The following PLB1 variants were observed in gnomAD, a reference collection of about 807,000 sequenced individuals.
The protein encoded by PLB1 is phospholipase B1, membrane-associated.
In PLB1, 242 loss-of-function variants were observed where a neutral mutation model predicts 227.4. That is an observed-to-expected ratio of 1.06 (90% CI 0.96 to 1.18). PLB1 has a LOEUF of 1.18. PLB1 is among the 50% of genes most tolerant of loss of function. PLB1 has a pLI of 0.00. For missense variants in PLB1, 1,858 were observed against 1,816.3 expected (o/e 1.02, Z -0.42); for synonymous variants, 757 against 682.2 (o/e 1.11, Z -1.71).
At chr2:28,612,579 G>A (rs189348245) in intron 43 of PLB1, among the ~76,000 whole-genome samples, 89 of 151,674 alleles carry the variant, frequency 5.9e-4, no homozygotes, top group African/African-American at 7.5e-4. Context: ...GGTATGAGAC[G>A]AGATCACTTT....
intron 44 of PLB1, among the ~76,000 whole-genome samples, chr2:28,614,821 G>T (rs913641028): frequency 2.6e-5 from 4 of 152,206 alleles, no homozygotes; most frequent in Admixed American, 6.5e-5. Flanking sequence ...CAAGGGAAGT[G>T]AGAGCCCAGT....
chr2:28,579,782 G>T (rs11677766), intron 23 of PLB1, 75 bp downstream of exon 23: 15,651 of 1,283,604 alleles, frequency 0.012, 160 homozygotes, highest in South Asian at 0.022. Flanking sequence ...TGCTCTGCCC[G>T]GGAGGAGTAC....
At chr2:28,589,982 C>T (rs759100635) in intron 28 of PLB1, 23 bp from the exon 29 acceptor site, 9 of 1,605,628 alleles carry the variant, frequency 5.6e-6, no homozygotes, top group Non-Finnish European at 7.7e-6. Context: ...CCTCACTCCC[C>T]ATCTCCCTGC....
chr2:28,519,565 CA>C (rs761132113), intron 3 of PLB1, 139 bp from the exon 4 acceptor site: 6 of 634,578 alleles, frequency 9.5e-6, no homozygotes, highest in Non-Finnish European at 1.7e-5. Context: ...TTTGGCATTC[CA>C]CTTCCATGGC....
rs558582344 is a variant in PLB1, at chr2:28,641,287, G to A, written c.4173+286G>A. The stretch of plus-strand genomic sequence containing the variant: ...GTGTCTCGGGTCACCCATTCCTTCC[G>A]AAAGCTCTGATGCATCCTCAGTCTT... On this transcript the variant is annotated intron_variant, in intron 57 of 57. Transcript: ENST00000327757. Among the ~76,000 whole-genome samples, 65 of 152,284 alleles carry A rather than the reference G, an allele frequency of 4.3e-4. No homozygotes were observed. The South Asian group carries it at 0.013, about 32-fold the overall frequency.
chr2:28,538,656 A>G (rs940765504), intron 10 of PLB1, among the ~76,000 whole-genome samples: 2 of 152,106 alleles, frequency 1.3e-5, no homozygotes, highest in Non-Finnish European at 2.9e-5. Flanking sequence ...TCTACCTGAG[A>G]CTGGGGCGAG....
chr2:28,508,959 CAA>C (rs1667930329), intron 1 of PLB1, among the ~76,000 whole-genome samples: 4 of 152,306 alleles, frequency 2.6e-5, no homozygotes, highest in Admixed American at 2.6e-4. Context: ...TCCAGGGAGA[CAA>C]GTCACCTCTT....
intron 52 of PLB1, 45 bp from the exon 53 acceptor site, chr2:28,629,049 A>C (rs1311024043): frequency 6.5e-7 from 1 of 1,545,672 alleles, no homozygotes; most frequent in Non-Finnish European, 8.9e-7. Flanking sequence ...GGTTCCTCCC[A>C]GCAGTAGCCA....
intron 41 of PLB1, 73 bp from the exon 42 acceptor site, chr2:28,605,780 C>T: frequency 7.8e-7 from 1 of 1,284,354 alleles, no homozygotes; most frequent in Non-Finnish European, 1.1e-6. Context: ...TGGTCAGTCC[C>T]AGGGCCAAGT....
chr2:28,523,198 T>G lies in PLB1; in HGVS notation c.244-2069T>G, dbSNP rs571080791. Among the ~76,000 whole-genome samples, 5 of 151,102 alleles carry G rather than the reference T, an allele frequency of 3.3e-5. No homozygotes were observed. In the South Asian group the frequency reaches 1.0e-3, roughly 32 times the overall value. On this transcript the variant is annotated intron_variant, in intron 4 of 57. Transcript: ENST00000327757. ...TAGAAGACCCTGTTCACATCTTTTA[T>G]TCCTCTACCTCAACAAACATACACA... is the stretch of plus-strand genomic sequence containing the variant.
chr2:28,575,733 A>G (rs1288653966), intron 21 of PLB1, among the ~76,000 whole-genome samples: 2 of 152,030 alleles, frequency 1.3e-5, no homozygotes, highest in Non-Finnish European at 2.9e-5. Context: ...CTGTATTTTT[A>G]GTAGAGACAG....
intron 57 of PLB1, 53 bp downstream of exon 57, chr2:28,641,054 T>C: frequency 6.5e-7 from 1 of 1,548,276 alleles, no homozygotes; most frequent in Non-Finnish European, 8.8e-7. Flanking sequence ...GGGTGGGGGT[T>C]GTCCTGTCCC....
intron 1 of PLB1, among the ~76,000 whole-genome samples, chr2:28,499,444 G>C (rs1666831167): frequency 6.6e-6 from 1 of 151,700 alleles, no homozygotes; most frequent in South Asian, 2.1e-4. Flanking sequence ...AATAATGACG[G>C]TGTTGTTACT....
rs763281271 is a variant in PLB1, at chr2:28,562,998, C to T, written c.1148-43C>T. 25 of 1,565,142 alleles carry T rather than the reference C, an allele frequency of 1.6e-5. No homozygotes were observed. The South Asian group carries it at 2.1e-4, about 13-fold the overall frequency. ...TCAGAGTAGATGGGTCCAGTGCTTTCCTGGAAGCCCCATTTTCCACTCACT... is the reference window on the plus strand; with the variant it reads ...TCAGAGTAGATGGGTCCAGTGCTTTTCTGGAAGCCCCATTTTCCACTCACT... On this transcript the variant is annotated intron_variant, in intron 17 of 57. Transcript: ENST00000327757.
intron 22 of PLB1, among the ~76,000 whole-genome samples, chr2:28,578,453 A>T (rs1679367181): frequency 6.6e-6 from 1 of 152,034 alleles, no homozygotes; most frequent in African/African-American, 2.4e-5. Flanking sequence ...TCAAATTATA[A>T]AACAGTTGCC....
chr2:28,503,126 T>G (rs1266350013), intron 1 of PLB1, among the ~76,000 whole-genome samples: 1 of 152,144 alleles, frequency 6.6e-6, no homozygotes, highest in Admixed American at 6.5e-5. Context: ...TTGTCTACTT[T>G]ATTATTTTTT....
intron 1 of PLB1, among the ~76,000 whole-genome samples, chr2:28,507,580 G>T (rs1667773655): frequency 6.6e-6 from 1 of 152,196 alleles, no homozygotes; most frequent in South Asian, 2.1e-4. Context: ...TCCAACATAT[G>T]AATTTTGGGG....
At chr2:28,525,456 C>T in intron 5 of PLB1, 149 bp downstream of exon 5, 1 of 867,482 alleles carries the variant, frequency 1.2e-6, no homozygotes, top group African/African-American at 1.7e-5. Context: ...GAGAAGCTCC[C>T]AGAACCCAGC....
At chr2:28,566,981 G>T (rs1269643999) in intron 20 of PLB1, 142 bp downstream of exon 20, 13 of 819,130 alleles carry the variant, frequency 1.6e-5, no homozygotes, top group Admixed American at 1.3e-4. Flanking sequence ...TGCCTCCCGA[G>T]ACTGCCGCCC....
Sources: allele counts gnomAD v4.1 joint callset (sites outside exome capture counted in the v4.1 genomes callset), GRCh38; gene constraint gnomAD v4.1.1; transcripts MANE v1.5; gene names NCBI Gene and HGNC (gene_info 2026-07-23, HGNC 2026-07-21).